The following PID1 variants were observed in gnomAD, a reference collection of about 807,000 sequenced individuals.
PID1 encodes the protein PTB-containing, cubilin and LRP1-interacting protein.
Under a neutral mutation model 19.1 loss-of-function variants are expected in PID1, and 10 were observed. The ratio of observed to expected loss-of-function variants is 0.52; its 90% CI spans 0.32 to 0.89. The LOEUF (loss-of-function observed/expected upper bound fraction) is 0.89. PID1 is among the 40% of genes least tolerant of loss of function. The pLI is 0.03. For synonymous variants in PID1, 130 were observed against 116.0 expected (o/e 1.12, Z -0.78); for missense variants, 248 against 285.3 (o/e 0.87, Z 0.94).
chr2:229,180,074 C>T (rs913962427), intron 1 of PID1, among the ~76,000 whole-genome samples: 28 of 152,282 alleles, frequency 1.8e-4, no homozygotes, highest in Non-Finnish European at 1.2e-4. Flanking sequence ...ACATGCACTT[C>T]GTATACAGGT....
intron 1 of PID1, among the ~76,000 whole-genome samples, chr2:229,205,912 G>A (rs755567070): frequency 3.9e-5 from 6 of 152,164 alleles, no homozygotes; most frequent in Admixed American, 6.5e-5. Context: ...TAATGTTTTC[G>A]TACATTTGCT....
intron 2 of PID1, among the ~76,000 whole-genome samples, chr2:229,134,809 T>C (rs1165459960): frequency 1.3e-5 from 2 of 152,204 alleles, no homozygotes; most frequent in Admixed American, 6.5e-5. Context: ...TTCCAAGAGA[T>C]ATGCCATACT....
intron 2 of PID1, among the ~76,000 whole-genome samples, chr2:229,056,610 A>AT (rs1250500843): frequency 2.2e-3 from 275 of 126,684 alleles, no homozygotes; most frequent in Non-Finnish European, 2.0e-3. Flanking sequence ...ATAAATAAAA[A>AT]TAATATATAT....
At chr2:229,071,168 C>T (rs1694443007) in intron 2 of PID1, among the ~76,000 whole-genome samples, 2 of 152,278 alleles carry the variant, frequency 1.3e-5, no homozygotes, top group African/African-American at 4.8e-5. Flanking sequence ...AAAAGTCAGA[C>T]CAGAGACATC....
intron 1 of PID1, among the ~76,000 whole-genome samples, chr2:229,183,070 A>T (rs1050217268): frequency 2.6e-5 from 4 of 152,254 alleles, no homozygotes; most frequent in African/African-American, 9.6e-5. Flanking sequence ...TTGCACATGT[A>T]ATCAAGTTAA....
chr2:229,038,185 A>G (rs1693701707), intron 2 of PID1, among the ~76,000 whole-genome samples: 1 of 152,208 alleles, frequency 6.6e-6, no homozygotes, highest in Non-Finnish European at 1.5e-5. Flanking sequence ...TTAGACCTGG[A>G]ATTGTTATAT....
intron 2 of PID1, among the ~76,000 whole-genome samples, chr2:229,056,509 A>G (rs12468638): frequency 0.096 from 14,681 of 152,198 alleles, 962 homozygotes; most frequent in Non-Finnish European, 0.14. Context: ...AATGTAGCAA[A>G]TCAATAAGGC....
At chr2:229,108,349 A>G (rs74891328) in intron 2 of PID1, among the ~76,000 whole-genome samples, 1,896 of 152,308 alleles carry the variant, frequency 0.012, 34 homozygotes, top group African/African-American at 0.043. Flanking sequence ...CCCTGTAACT[A>G]CTACTTTGAG....
At chr2:229,092,331 A>T (rs1303994919) in intron 2 of PID1, among the ~76,000 whole-genome samples, 1 of 152,198 alleles carries the variant, frequency 6.6e-6, no homozygotes, top group Non-Finnish European at 1.5e-5. Context: ...GAGCATAGAG[A>T]GCACTTATCT....
intron 2 of PID1, among the ~76,000 whole-genome samples, chr2:229,057,601 G>GAA (rs35359761): frequency 3.9e-5 from 6 of 152,010 alleles, no homozygotes; most frequent in Middle Eastern, 3.4e-3. Context: ...CTAAAATTAT[G>GAA]AAAAAATAAT....
At chr2:229,097,352 G>A (rs1329650670) in intron 2 of PID1, among the ~76,000 whole-genome samples, 1 of 152,142 alleles carries the variant, frequency 6.6e-6, no homozygotes, top group Non-Finnish European at 1.5e-5. Flanking sequence ...ATAAATCAGG[G>A]TCCAGAATAT....
rs1057066646 is a variant in PID1 at position 229,024,351 on chromosome 2, C to G, written c.*1281G>C. The G allele has an allele frequency of 7.2e-5, 11 of 152,386 alleles. No individual in the cohort carries two copies. The highest frequency in any genetic ancestry group is 1.6e-4 in the Non-Finnish European group (11 of 68,036). The allele number at this position is 152,386 out of a possible 1,614,324, so 9.4% of individuals were successfully genotyped here. Reference sequence around the variant, plus strand: ...AAAAGTAGTCATCTGCTCTTGTCCTCCAATGTGTGTATTTTAACAAATACA... The same window carrying G: ...AAAAGTAGTCATCTGCTCTTGTCCTGCAATGTGTGTATTTTAACAAATACA... On this transcript the variant is annotated 3_prime_UTR_variant, in exon 3 of 3. Transcript: ENST00000392055.
intron 1 of PID1, among the ~76,000 whole-genome samples, chr2:229,174,439 G>A (rs1690772615): frequency 6.6e-6 from 1 of 152,186 alleles, no homozygotes; most frequent in Non-Finnish European, 1.5e-5. Flanking sequence ...GGTTGTAAAT[G>A]TAAAGTGAAC....
chr2:229,114,105 C>G (rs1247483149), intron 2 of PID1, among the ~76,000 whole-genome samples: 1 of 66,134 alleles, frequency 1.5e-5, no homozygotes, highest in Non-Finnish European at 3.0e-5. Context: ...GCCAGCATCT[C>G]TCTCTCTTTC....
At position 229,183,344 on chromosome 2, in the gene PID1, A is replaced by G. The variant is rs145296624; in HGVS notation, c.31-27380T>C. ...AGCCTCCCAAACTGTGAAAGAATCAATTTCTGTTGTTTTAAGCCCTCATGA... is the reference window on the plus strand; with the variant it reads ...AGCCTCCCAAACTGTGAAAGAATCAGTTTCTGTTGTTTTAAGCCCTCATGA... On this transcript the variant is annotated intron_variant, in intron 1 of 2. Transcript: ENST00000392055. 3.3e-5 allele frequency among the ~76,000 whole-genome samples: 5 copies of G among 152,296 alleles called. No individual in the cohort carries two copies. The East Asian group carries it at 9.7e-4, about 29-fold the overall frequency.
chr2:229,261,324 C>T (rs1359019323), intron 1 of PID1, among the ~76,000 whole-genome samples: 6 of 152,164 alleles, frequency 3.9e-5, no homozygotes, highest in Non-Finnish European at 7.4e-5. Flanking sequence ...ATTAAGCTAC[C>T]AAGATTTTAT....
chr2:229,152,503 C>A (rs1690278033), intron 2 of PID1, among the ~76,000 whole-genome samples: 1 of 152,148 alleles, frequency 6.6e-6, no homozygotes, highest in Admixed American at 6.5e-5. Context: ...CAAGCTGAAG[C>A]CACCTAGGAT....
chr2:229,082,430 G>A (rs997296935), intron 2 of PID1, among the ~76,000 whole-genome samples: 2 of 152,254 alleles, frequency 1.3e-5, no homozygotes, highest in South Asian at 4.1e-4. Flanking sequence ...AAAGAGAGTT[G>A]CCAGTGTCAT....
chr2:229,094,755 C>G (rs1694941685), intron 2 of PID1, among the ~76,000 whole-genome samples: 1 of 151,954 alleles, frequency 6.6e-6, no homozygotes, highest in Admixed American at 6.6e-5. Context: ...CACTAGATCC[C>G]TATCTCTCAC....
Sources: gnomAD v4.1 joint callset for allele counts (sites outside exome capture counted in the v4.1 genomes callset) on GRCh38, gnomAD v4.1.1 for gene constraint, MANE v1.5 for transcripts, NCBI Gene and HGNC (gene_info 2026-07-23, HGNC 2026-07-21) for gene names.